The following STK32B variants were observed in gnomAD, a reference collection of about 807,000 sequenced individuals.
STK32B encodes serine/threonine kinase 32B.
In STK32B, 43 loss-of-function variants were observed where a neutral mutation model predicts 52.6. That is an observed-to-expected ratio of 0.82 (90% CI 0.64 to 1.05). The LOEUF (loss-of-function observed/expected upper bound fraction) is 1.05. Ranked by LOEUF, STK32B falls within the 50% of genes least tolerant of loss-of-function variation. The pLI is 0.00. For missense variants in STK32B, 621 were observed against 534.6 expected, an observed-to-expected ratio of 1.16 and a Z score of -1.59; for synonymous variants, 238 against 204.3, an observed-to-expected ratio of 1.17 and a Z score of -1.41.
intron 1 of STK32B, among the ~76,000 whole-genome samples, chr4:5,063,664 ATATTTTACATTAGTT>A: frequency 6.6e-6 from 1 of 152,312 alleles, no homozygotes; most frequent in South Asian, 2.1e-4. Flanking sequence ...AATTATTGAG[ATATTTTACATTAGTT>A]TATTCACACT....
the STK32B span, among the ~76,000 whole-genome samples, chr4:5,045,458 A>C: frequency 6.6e-6 from 1 of 152,156 alleles, no homozygotes. Context: ...AAAAGTCCAG[A>C]GGCGGTTTGA....
chr4:5,472,839 C>G (rs923715744), intron 11 of STK32B, among the ~76,000 whole-genome samples: 2 of 152,080 alleles, frequency 1.3e-5, no homozygotes, highest in African/African-American at 4.8e-5. Context: ...GATCATGTTC[C>G]TTTAATCTAG....
intron 1 of STK32B, among the ~76,000 whole-genome samples, chr4:5,055,915 T>C (rs1741988457): frequency 6.6e-6 from 1 of 152,228 alleles, no homozygotes; most frequent in Non-Finnish European, 1.5e-5. Context: ...TTTATTTTAC[T>C]TATTTTCTTG....
chr4:5,253,826 G>A (rs1273015952), intron 3 of STK32B, among the ~76,000 whole-genome samples: 1 of 152,184 alleles, frequency 6.6e-6, no homozygotes, highest in African/African-American at 2.4e-5. Context: ...GGTTAACTGG[G>A]GATGGATAAT....
intron 3 of STK32B, among the ~76,000 whole-genome samples, chr4:5,188,776 CTT>C (rs1344183588): frequency 1.8e-5 from 2 of 112,902 alleles, no homozygotes; most frequent in Middle Eastern, 5.6e-3. Flanking sequence ...TAACTGCCAT[CTT>C]TTTTTTTTTT....
intron 4 of STK32B, among the ~76,000 whole-genome samples, chr4:5,387,056 C>T (rs116062208): frequency 4.6e-5 from 7 of 152,302 alleles, no homozygotes; most frequent in South Asian, 2.1e-4. Context: ...CACTGCTGAA[C>T]GTGAATGACA....
chr4:5,179,705 AG>A (rs1322055868), intron 3 of STK32B, among the ~76,000 whole-genome samples: 1 of 151,942 alleles, frequency 6.6e-6, no homozygotes, highest in Non-Finnish European at 1.5e-5. Context: ...TGCACACTAC[AG>A]GGGTCAGGAG....
chr4:5,055,815 T>C (rs1387456628), intron 1 of STK32B, among the ~76,000 whole-genome samples: 1 of 151,800 alleles, frequency 6.6e-6, no homozygotes, highest in Non-Finnish European at 1.5e-5. Flanking sequence ...CTCATTAGAC[T>C]CTCATTGACC....
chr4:5,311,307 T>C (rs1405474031), intron 3 of STK32B, among the ~76,000 whole-genome samples: 3 of 152,186 alleles, frequency 2.0e-5, no homozygotes, highest in Non-Finnish European at 4.4e-5. Flanking sequence ...CATTACACAT[T>C]GCATACATGT....
chr4:5,180,308 C>G (rs1230806397), intron 3 of STK32B, among the ~76,000 whole-genome samples: 1 of 152,238 alleles, frequency 6.6e-6, no homozygotes. Context: ...ACTAACATCT[C>G]CTGGGCACTT....
chr4:5,449,177 C>A (rs1383233040), intron 7 of STK32B, among the ~76,000 whole-genome samples: 3 of 152,164 alleles, frequency 2.0e-5, no homozygotes, highest in Admixed American at 2.0e-4. Context: ...CCTGCCTCTA[C>A]TAAAAATACA....
At chr4:5,407,739 A>T (rs941433464) in intron 5 of STK32B, among the ~76,000 whole-genome samples, 6 of 152,082 alleles carry the variant, frequency 3.9e-5, no homozygotes, top group African/African-American at 1.5e-4. Flanking sequence ...GCAAGGGGGA[A>T]ATCCAACCCC....
intron 1 of STK32B, among the ~76,000 whole-genome samples, chr4:5,076,363 G>A (rs1299011611): frequency 6.6e-6 from 1 of 152,118 alleles, no homozygotes; most frequent in Non-Finnish European, 1.5e-5. Context: ...TATTTTGGGG[G>A]CATTTAGCTT....
intron 3 of STK32B, among the ~76,000 whole-genome samples, chr4:5,242,802 C>T (rs2108819523): frequency 6.6e-6 from 1 of 152,282 alleles, no homozygotes; most frequent in African/African-American, 2.4e-5. Context: ...ATATGGCTAG[C>T]CAGTTTTCCC....
rs952421682 is a variant in STK32B, at chr4:5,300,579, T to A, written c.261-30641T>A. On this transcript the variant is annotated intron_variant, in intron 3 of 11. Coordinates refer to ENST00000282908, the MANE Select transcript of STK32B (RefSeq NM_018401.3). Reference sequence around the variant, plus strand: ...CCCTAACCCTGATAAATGACTTCAGTAATGTTTCAGGATACAAAATAAATG... The same window carrying A: ...CCCTAACCCTGATAAATGACTTCAGAAATGTTTCAGGATACAAAATAAATG... Among the ~76,000 whole-genome samples the A allele has an allele frequency of 6.6e-5, 10 of 152,302 alleles. No homozygotes were observed. In the South Asian group the frequency reaches 2.1e-3, roughly 32 times the overall value.
chr4:5,175,905 G>A (rs1208001507), intron 3 of STK32B, among the ~76,000 whole-genome samples: 1 of 152,262 alleles, frequency 6.6e-6, no homozygotes, highest in East Asian at 1.9e-4. Flanking sequence ...CAGAGGTGGA[G>A]CCTACAGAGG....
At chr4:5,292,592 T>G (rs188791199) in intron 3 of STK32B, among the ~76,000 whole-genome samples, 64 of 152,052 alleles carry the variant, frequency 4.2e-4, no homozygotes, top group Non-Finnish European at 6.2e-4. Context: ...TTGTACATTG[T>G]CTGTTTAATA....
chr4:5,449,527 T>C (rs1267308299), intron 7 of STK32B, among the ~76,000 whole-genome samples: 1 of 152,228 alleles, frequency 6.6e-6, no homozygotes, highest in African/African-American at 2.4e-5. Flanking sequence ...GACCAAGTCC[T>C]GTTGGCAGGT....
At chr4:5,271,484 C>T (rs1276903625) in intron 3 of STK32B, among the ~76,000 whole-genome samples, 13 of 151,538 alleles carry the variant, frequency 8.6e-5, no homozygotes, top group South Asian at 6.3e-4. Context: ...CTTGGCGATG[C>T]GGGCTCTTTT....
Sources: allele counts gnomAD v4.1 joint callset (sites outside exome capture counted in the v4.1 genomes callset), GRCh38; gene constraint gnomAD v4.1.1; transcripts MANE v1.5; gene names NCBI Gene and HGNC (gene_info 2026-07-23, HGNC 2026-07-21).